The following CEP104 variants were observed in gnomAD, a reference collection of about 807,000 sequenced individuals.
The protein encoded by CEP104 is centrosomal protein of 104 kDa.
Under a neutral mutation model 113.3 loss-of-function variants are expected in CEP104, and 84 were observed. The observed-to-expected ratio is 0.74, with a 90% CI of 0.62 to 0.89. CEP104 has a LOEUF of 0.89. CEP104 is among the 40% of genes least tolerant of loss of function. The pLI is 0.00. For synonymous variants in CEP104, 378 were observed against 421.7 expected, an observed-to-expected ratio of 0.90 and a Z score of 1.27; for missense variants, 1,053 against 1,156.6, an observed-to-expected ratio of 0.91 and a Z score of 1.30.
At position 3,836,628 on chromosome 1, in the gene CEP104, A is replaced by G. The variant is rs1307910712; in HGVS notation, c.1184T>C (p.Val395Ala). The change falls in exon 10 of 22, where the codon GTG becomes GCG. Residue 395 changes from valine (V) to alanine (A), a missense_variant. Val to Ala is a moderately conservative substitution (Grantham distance 64, BLOSUM62 0). Transcript: ENST00000378230. ...PAIRKHYGEAVVEPEMSNADI... is the reference protein window; with the variant it reads ...PAIRKHYGEAAVEPEMSNADI... ...TGCATTACTCATTTCCGGCTCCACC[A>G]CTGCCTCCCCATAATGCTTACGAAT... is the stretch of plus-strand genomic sequence containing the variant. The G allele has an allele frequency of 1.9e-6, 3 of 1,613,686 alleles. No individual in the cohort carries two copies. Among genetic ancestry groups the G allele is most frequent in the Non-Finnish European group, 2.5e-6 (3 of 1,179,962 alleles).
At chr1:3,853,983 G>T (rs967645332) in intron 1 of CEP104, among the ~76,000 whole-genome samples, 1 of 152,200 alleles carries the variant, frequency 6.6e-6, no homozygotes, top group East Asian at 1.9e-4. Flanking sequence ...TTAACCCACT[G>T]TTAGCTGCAC....
intron 6 of CEP104, chr1:3,843,336 A>AAG: frequency 1.8e-6 from 1 of 554,094 alleles, no homozygotes; most frequent in Admixed American, 3.4e-5. Flanking sequence ...AAAAAAAAAA[A>AAG]AAAAGAGGAA....
At chr1:3,855,176 T>A (rs1415278115) in intron 1 of CEP104, among the ~76,000 whole-genome samples, 1 of 3,228 alleles carries the variant, frequency 3.1e-4, no homozygotes, top group Non-Finnish European at 2.0e-3. Flanking sequence ...CAGCCCCGAT[T>A]TTTTTTTTTT....
At chr1:3,818,487 GACC>G (rs956020923) in intron 20 of CEP104, among the ~76,000 whole-genome samples, 2 of 152,138 alleles carry the variant, frequency 1.3e-5, no homozygotes, top group African/African-American at 4.8e-5. Context: ...TCCAGAATCT[GACC>G]ACTTCTCGCC....
chr1:3,820,038 G>A (rs1243475664), intron 20 of CEP104, among the ~76,000 whole-genome samples: 5 of 152,280 alleles, frequency 3.3e-5, no homozygotes, highest in South Asian at 4.2e-4. Flanking sequence ...CAGGGAACCC[G>A]TGAGGTAATG....
At chr1:3,847,360 A>G in intron 4 of CEP104, 115 bp downstream of exon 4, 2 of 1,089,882 alleles carry the variant, frequency 1.8e-6, no homozygotes, top group Non-Finnish European at 2.6e-6. Context: ...GTCTCCCAGA[A>G]GAGATCCTCT....
chr1:3,841,792 C>A (rs1230605156), intron 6 of CEP104, among the ~76,000 whole-genome samples: 2 of 152,244 alleles, frequency 1.3e-5, no homozygotes, highest in Non-Finnish European at 2.9e-5. Flanking sequence ...ATTAAGGCAA[C>A]AGATTTAAAG....
At chr1:3,825,115 T>G (rs1374715339) in intron 18 of CEP104, among the ~76,000 whole-genome samples, 1 of 13,958 alleles carries the variant, frequency 7.2e-5, no homozygotes, top group African/African-American at 3.9e-4. Context: ...AGTGGCACTG[T>G]GGGAAGGGGG....
At chr1:3,829,750 C>T in intron 14 of CEP104, 41 bp downstream of exon 14, 1 of 1,578,872 alleles carries the variant, frequency 6.3e-7, no homozygotes, top group African/African-American at 1.3e-5. Context: ...GTAACTTCTT[C>T]AACACAGGAT....
rs367923941 is a variant in CEP104, at chr1:3,839,083, G to A, written c.772C>T (p.Arg258Cys). 37 of 1,613,796 alleles carry A rather than the reference G, an allele frequency of 2.3e-5. No homozygotes were observed. The African/African-American group carries it at 2.4e-4, about 10-fold the overall frequency. Residue 258 changes from arginine (R) to cysteine (C), a missense_variant, in exon 8 of 22, where the codon CGC becomes TGC. Transcript: ENST00000378230. ...ERLGRYEVEK[R>C]CAVEKEDYDL... is the part of the protein sequence containing the mutation. ...TAGTCTTCCTTCTCCACGGCACAGC[G>A]TTTCTCTACCTCATACCTCCCAAGG...
At chr1:3,842,038 A>G (rs183319614) in intron 6 of CEP104, among the ~76,000 whole-genome samples, 10 of 152,304 alleles carry the variant, frequency 6.6e-5, no homozygotes, top group African/African-American at 1.4e-4. Context: ...TGATTTTTCT[A>G]TTACACAAAG....
At chr1:3,855,459 G>A (rs189832001) in intron 1 of CEP104, among the ~76,000 whole-genome samples, 653 of 151,782 alleles carry the variant, frequency 4.3e-3, no homozygotes, top group African/African-American at 0.015. Flanking sequence ...GTGAGCCGCC[G>A]AGCCTGGCTA....
intron 20 of CEP104, among the ~76,000 whole-genome samples, chr1:3,816,873 C>T (rs1643888746): frequency 6.6e-6 from 1 of 152,278 alleles, no homozygotes; most frequent in Admixed American, 6.5e-5. Flanking sequence ...GCAGGCCTGA[C>T]TGCCTGGGCA....
chr1:3,841,328 C>G (rs188560776), intron 6 of CEP104, among the ~76,000 whole-genome samples: 119 of 150,868 alleles, frequency 7.9e-4, no homozygotes, highest in Non-Finnish European at 1.3e-3. Flanking sequence ...CGGTACTTCG[C>G]TCACAGCAGC....
At chr1:3,834,785 T>C in intron 11 of CEP104, 140 bp downstream of exon 11, 1 of 710,430 alleles carries the variant, frequency 1.4e-6, no homozygotes, top group Non-Finnish European at 2.3e-6. Context: ...GAACCTCATT[T>C]CTTAGTGATT....
rs377606583 is a variant in CEP104, at chr1:3,836,909, A to G, written c.1120-217T>C. On this transcript the variant is annotated intron_variant, in intron 9 of 21. Transcript: ENST00000378230. Reference sequence around the variant, plus strand: ...CTTTCTATTACTTTCTAAACTCATTACAGACCTAATAAAAAAAAGCAAGGT... The same window carrying G: ...CTTTCTATTACTTTCTAAACTCATTGCAGACCTAATAAAAAAAAGCAAGGT... 4.5e-5 allele frequency: 25 copies of G among 554,972 alleles called. No individual in the cohort carries two copies. The South Asian group carries it at 4.8e-4, about 11-fold the overall frequency. 34.4% of individuals were successfully genotyped at this position (554,972 alleles called of 1,614,324 possible).
intron 16 of CEP104, 118 bp from the exon 17 acceptor site, chr1:3,826,554 AT>A: frequency 7.6e-7 from 1 of 1,316,676 alleles, no homozygotes; most frequent in Non-Finnish European, 1.1e-6. Context: ...CATGTTTTCC[AT>A]TCAGCTGGGA....
At chr1:3,839,918 C>T in intron 6 of CEP104, 142 bp from the exon 7 acceptor site, 1 of 686,548 alleles carries the variant, frequency 1.5e-6, no homozygotes. Flanking sequence ...AAACGGGTCT[C>T]AGAGAAGTAA....
chr1:3,839,569 C>A, intron 7 of CEP104, 39 bp downstream of exon 7: 2 of 1,560,848 alleles, frequency 1.3e-6, no homozygotes, highest in South Asian at 1.2e-5. Flanking sequence ...AAACCTATTA[C>A]AGGCATAAAT....
Sources: gnomAD v4.1 joint callset for allele counts (sites outside exome capture counted in the v4.1 genomes callset) on GRCh38, gnomAD v4.1.1 for gene constraint, MANE v1.5 for transcripts, NCBI Gene and HGNC (gene_info 2026-07-23, HGNC 2026-07-21) for gene names.